ENTPD1: variants seen among roughly 807,000 people sequenced by gnomAD.
The protein encoded by ENTPD1 is ectonucleoside triphosphate diphosphohydrolase 1.
ENTPD1 carries 33 observed loss-of-function variants against 57.0 expected under a neutral mutation model. The ratio of observed to expected loss-of-function variants is 0.58; its 90% CI spans 0.44 to 0.77. The LOEUF is 0.77. Among genes scored for constraint, ENTPD1 ranks in the 30% least tolerant of loss-of-function variants. The pLI, the probability that ENTPD1 is intolerant of heterozygous loss-of-function variation, is 0.00. For synonymous variants in ENTPD1, 202 were observed against 218.8 expected (o/e 0.92, Z 0.68); for missense variants, 501 against 603.4 (o/e 0.83, Z 1.78).
intron 1 of ENTPD1, among the ~76,000 whole-genome samples, chr10:95,807,152 C>G (rs138074983): frequency 4.6e-5 from 7 of 152,160 alleles, no homozygotes; most frequent in Admixed American, 2.6e-4. Context: ...TGCTGAGCTG[C>G]GGTGGGCTCT....
chr10:95,746,659 C>T (rs768072876), intron 1 of ENTPD1, among the ~76,000 whole-genome samples: 27 of 152,112 alleles, frequency 1.8e-4, no homozygotes, highest in Non-Finnish European at 3.1e-4. Flanking sequence ...ATTTTTTGAA[C>T]GAGTGTGCAT....
At position 95,842,496 on chromosome 10, in the gene ENTPD1, T is replaced by C; in HGVS notation, c.413+2T>C. 1 of 1,613,524 alleles carries C rather than the reference T, an allele frequency of 6.2e-7. No homozygotes were observed. The highest frequency in any genetic ancestry group is 8.5e-7 in the Non-Finnish European group (1 of 1,179,690). On this transcript the variant is annotated splice_donor_variant, in intron 4 of 9. Coordinates refer to ENST00000371205, the MANE Select transcript of ENTPD1 (RefSeq NM_001776.6). LOFTEE classifies it high-confidence loss of function. ...CACGGCAGGCATGCGGTTGCTCAGG[T>C]ATAGCAGCATGTAGGGACCAAGAGT...
At position 95,866,426 on chromosome 10, in the gene ENTPD1, C is replaced by T. The variant is rs371289436; in HGVS notation, c.*43C>T. 89 of 1,611,336 alleles carry T rather than the reference C, an allele frequency of 5.5e-5. No individual in the cohort carries two copies. Among genetic ancestry groups the T allele is most frequent in the South Asian group, 2.4e-4 (22 of 90,366 alleles). ...TGCTGGCTGGAGTGAGGAAAAAAAT[C>T]GTCCAGGGAGCATTTTCCTCCATCG... is the stretch of plus-strand genomic sequence containing the variant. On this transcript the variant is annotated 3_prime_UTR_variant, in exon 10 of 10. Transcript: ENST00000371205.
upstream of ENTPD1, chr10:95,755,149 T>C (rs975000453): frequency 2.6e-5 from 4 of 152,316 alleles, no homozygotes; most frequent in African/African-American, 9.6e-5. Context: ...TGAGAGCCCA[T>C]GCTGTGAGAG....
intron 1 of ENTPD1, among the ~76,000 whole-genome samples, chr10:95,798,223 G>T (rs1241907228): frequency 1.3e-5 from 2 of 152,150 alleles, no homozygotes; most frequent in African/African-American, 4.8e-5. Flanking sequence ...GCACTATGAG[G>T]TTGTTGGTGA....
At chr10:95,764,650 T>A (rs890678357) in intron 1 of ENTPD1, among the ~76,000 whole-genome samples, 1 of 152,052 alleles carries the variant, frequency 6.6e-6, no homozygotes, top group African/African-American at 2.4e-5. Context: ...GTTTTGAAAA[T>A]CTATTCATGT....
chr10:95,790,356 T>C (rs903871648), intron 1 of ENTPD1, among the ~76,000 whole-genome samples: 2 of 152,198 alleles, frequency 1.3e-5, no homozygotes, highest in African/African-American at 4.8e-5. Flanking sequence ...ATTGACTATG[T>C]GTGTTATTGG....
chr10:95,766,857 T>C (rs1333895905), intron 1 of ENTPD1, among the ~76,000 whole-genome samples: 1 of 152,102 alleles, frequency 6.6e-6, no homozygotes, highest in Non-Finnish European at 1.5e-5. Context: ...AACGGACATC[T>C]TACTTTTAAT....
chr10:95,703,248 A>C, the ENTPD1 span, among the ~76,000 whole-genome samples: 2 of 152,228 alleles, frequency 1.3e-5, no homozygotes, highest in Non-Finnish European at 2.9e-5. Flanking sequence ...CCACTAACAG[A>C]CCCACACAAA....
chr10:95,860,546 G>A lies in ENTPD1; in HGVS notation c.1152G>A (p.Glu384=), dbSNP rs750203693. The change falls in exon 8 of 10, where the codon GAG becomes GAA. Residue 384 remains glutamate (E), a synonymous_variant. Transcript: ENST00000371205. ...SEKVSQEKVT[E]MMKKFCAQPW... ...AAGTCTCTCAGGAAAAGGTGACTGA[G>A]ATGATGAAAAAGTTCTGTGCTCAGC... 1.6e-5 allele frequency: 26 copies of A among 1,613,858 alleles called. No homozygotes were observed. The East Asian group carries it at 5.8e-4, about 36-fold the overall frequency.
At chr10:95,864,505 C>G (rs1590211900) in intron 8 of ENTPD1, among the ~76,000 whole-genome samples, 1 of 152,298 alleles carries the variant, frequency 6.6e-6, no homozygotes, top group Admixed American at 6.5e-5. Flanking sequence ...CTCATAGAAG[C>G]CTGTGCAGGA....
chr10:95,790,941 C>CA (rs2098201386), intron 1 of ENTPD1, among the ~76,000 whole-genome samples: 1 of 151,952 alleles, frequency 6.6e-6, no homozygotes, highest in African/African-American at 2.4e-5. Flanking sequence ...ATGATATGGC[C>CA]AAAAATTTAG....
rs1254540469 is a variant in ENTPD1, at chr10:95,866,583, GTC to G, written c.*204_*205del. ...TGCCTCAAGGACTTCGGCAGATACTGTCTCTTTCATGAGTTTTTCCCAGCTAC... is the reference window on the plus strand; with the variant it reads ...TGCCTCAAGGACTTCGGCAGATACTGTCTTTCATGAGTTTTTCCCAGCTAC... On this transcript the variant is annotated 3_prime_UTR_variant, in exon 10 of 10. Transcript: ENST00000371205. 8 of 1,430,574 alleles carry G rather than the reference GTC, an allele frequency of 5.6e-6. No homozygotes were observed. Among genetic ancestry groups the G allele is most frequent in the Non-Finnish European group, 7.3e-6 (8 of 1,096,306 alleles). The allele number at this position is 1,430,574 out of a possible 1,614,324, so 88.6% of individuals were successfully genotyped here. A position where few individuals can be genotyped will look rare whatever the true frequency, so the allele number is the denominator to read the frequency against.
chr10:95,712,152 G>C (rs543614113), intron 1 of ENTPD1, among the ~76,000 whole-genome samples: 1 of 152,188 alleles, frequency 6.6e-6, no homozygotes, highest in Non-Finnish European at 1.5e-5. Context: ...AGCGACTCTG[G>C]TGTCCTTTTT....
At position 95,876,017 on chromosome 10, in the gene ENTPD1, G is replaced by A; in HGVS notation, c.*9634G>A. 1.0e-6 allele frequency: 1 copy of A among 985,320 alleles called. No homozygotes were observed. The highest frequency in any genetic ancestry group is 1.2e-6 in the Non-Finnish European group (1 of 829,918). 61.0% of individuals were successfully genotyped at this position (985,320 alleles called of 1,614,324 possible). On this transcript the variant is annotated 3_prime_UTR_variant, in exon 10 of 10. Coordinates refer to ENST00000371205, the MANE Select transcript of ENTPD1 (RefSeq NM_001776.6). ...ATGGAAGTACAATCTCTTGCTATAT[G>A]ACACAATAATTATTTGCAAAATGAG...
intron 1 of ENTPD1, among the ~76,000 whole-genome samples, chr10:95,796,428 T>G (rs1168306127): frequency 6.6e-6 from 1 of 150,574 alleles, no homozygotes; most frequent in South Asian, 2.1e-4. Flanking sequence ...AAGGTAGAGT[T>G]AGTTAGATAA....
chr10:95,724,334 C>T (rs2097981354), intron 1 of ENTPD1, among the ~76,000 whole-genome samples: 1 of 152,160 alleles, frequency 6.6e-6, no homozygotes, highest in South Asian at 2.1e-4. Flanking sequence ...AATATTACCA[C>T]TTTGGATGTC....
Position 95,876,438 on chromosome 10 carries a change from A to G in ENTPD1, c.*10055A>G. ...CTTTCTCCTCGGTTCTGCAATCTAT[A>G]GGCATACCATAATTGTAATCAATAG... On this transcript the variant is annotated 3_prime_UTR_variant, in exon 10 of 10. Transcript: ENST00000371205. 1.6e-6 allele frequency: 2 copies of G among 1,231,276 alleles called. No homozygotes were observed. The highest frequency in any genetic ancestry group is 2.0e-6 in the Non-Finnish European group (2 of 987,692). 76.3% of individuals were successfully genotyped at this position (1,231,276 alleles called of 1,614,324 possible).
the ENTPD1 span, among the ~76,000 whole-genome samples, chr10:95,700,352 GA>G: frequency 3.3e-5 from 5 of 150,644 alleles, no homozygotes; most frequent in South Asian, 2.1e-4. Context: ...TGAGTTCCAG[GA>G]AAAAAAAAGA....
Sources: gnomAD v4.1 joint callset for allele counts (sites outside exome capture counted in the v4.1 genomes callset) on GRCh38, gnomAD v4.1.1 for gene constraint, MANE v1.5 for transcripts, NCBI Gene and HGNC (gene_info 2026-07-23, HGNC 2026-07-21) for gene names.